Variants in UBE2V1 observed in about 807,000 individuals in gnomAD.
UBE2V1 encodes the protein ubiquitin conjugating enzyme E2 V1, also known as ubiquitin-conjugating enzyme E2 variant 1.
A neutral mutation model predicts 19.6 loss-of-function variants in UBE2V1; 15 were observed. The ratio of observed to expected loss-of-function variants is 0.77; its 90% CI spans 0.51 to 1.18. The LOEUF (loss-of-function observed/expected upper bound fraction) is 1.18, where lower values mean the gene tolerates loss of function less well. UBE2V1 is among the 50% of genes most tolerant of loss of function. UBE2V1 has a pLI of 0.00. For synonymous variants in UBE2V1, 60 were observed against 60.7 expected (o/e 0.99, Z 0.05); for missense variants, 125 against 184.8 (o/e 0.68, Z 1.88).
rs189459840 is a variant in UBE2V1, at chr20:50,090,985, G to A, written c.171+5687C>T. Among the ~76,000 whole-genome samples the A allele has an allele frequency of 2.6e-5, 4 of 152,272 alleles. No individual in the cohort carries two copies. In the East Asian group the frequency reaches 7.7e-4, roughly 29 times the overall value. ...TAGCTGGTATGATTTCTCTTTTCCT[G>A]ACTGACACAGAGTTAAAGCGGGACT... On this transcript the variant is annotated intron_variant, in intron 2 of 3. Coordinates refer to ENST00000371674, the MANE Select transcript of UBE2V1 (RefSeq NM_001032288.3).
Position 50,081,983 on chromosome 20 carries a change from G to A in UBE2V1, c.*785C>T, listed in dbSNP as rs2078662376. On this transcript the variant is annotated 3_prime_UTR_variant, in exon 4 of 4. Transcript: ENST00000371674. ...GAGGCTCTTTCCAACCTTACCTGAT[G>A]GCTTCTGGCCAAAGCAAGGAAGTGT... 1 of 214,244 alleles carries A rather than the reference G, an allele frequency of 4.7e-6. No homozygotes were observed. Among genetic ancestry groups the A allele is most frequent in the African/African-American group, 2.3e-5 (1 of 43,320 alleles). The allele number at this position is 214,244 out of a possible 1,614,324, so 13.3% of individuals were successfully genotyped here. A position where few individuals can be genotyped will look rare whatever the true frequency, so the allele number is the denominator to read the frequency against.
rs2146938917 is a variant in UBE2V1 at position 50,082,863 on chromosome 20, T to G, written c.349A>C (p.Ile117Leu). ...VLAKWQNSYS[I>L]KVVLQELRRL... ...CGAAGCTCTTGCAGGACAACTTTGA[T>G]GCTATATGAATTCTGCCATTTTGCT... The change falls in exon 4 of 4, where the codon ATC (isoleucine) becomes CTC (leucine). Residue 117 changes from isoleucine (I) to leucine (L), a missense_variant. Ile to Leu is a conservative substitution (Grantham distance 5). Coordinates refer to ENST00000371674, the MANE Select transcript of UBE2V1 (RefSeq NM_001032288.3). 2 of 1,612,724 alleles carry G rather than the reference T, an allele frequency of 1.2e-6. No individual in the cohort carries two copies. Among genetic ancestry groups the G allele is most frequent in the East Asian group, 4.5e-5 (2 of 44,888 alleles).
chr20:50,109,895 T>A (rs1429896526), intron 1 of UBE2V1, among the ~76,000 whole-genome samples: 1 of 152,176 alleles, frequency 6.6e-6, no homozygotes, highest in African/African-American at 2.4e-5. Flanking sequence ...GGCACTTAAT[T>A]ACAATTGGCA....
intron 1 of UBE2V1, among the ~76,000 whole-genome samples, chr20:50,097,653 A>G (rs570598392): frequency 6.6e-6 from 1 of 152,144 alleles, no homozygotes; most frequent in Non-Finnish European, 1.5e-5. Flanking sequence ...TGCACTCCCA[A>G]CCAATCCTGA....
intron 1 of UBE2V1, among the ~76,000 whole-genome samples, chr20:50,105,801 A>G (rs148843755): frequency 0.011 from 1,635 of 152,292 alleles, 29 homozygotes; most frequent in African/African-American, 0.038. Context: ...GTGGTGGCAC[A>G]TGCCTGCAAT....
intron 1 of UBE2V1, among the ~76,000 whole-genome samples, chr20:50,101,096 A>G (rs1354719445): frequency 6.6e-6 from 1 of 152,206 alleles, no homozygotes; most frequent in African/African-American, 2.4e-5. Flanking sequence ...AGGTCAATTT[A>G]TTTTAGGCTA....
intron 1 of UBE2V1, among the ~76,000 whole-genome samples, chr20:50,112,478 G>T (rs2080821537): frequency 6.6e-6 from 1 of 152,110 alleles, no homozygotes; most frequent in Non-Finnish European, 1.5e-5. Flanking sequence ...ATCATGCGGA[G>T]ACCCCCTTCA....
chr20:50,103,479 C>T (rs1416199609), intron 1 of UBE2V1, among the ~76,000 whole-genome samples: 2 of 152,136 alleles, frequency 1.3e-5, no homozygotes, highest in Non-Finnish European at 2.9e-5. Context: ...GATTTTGGCT[C>T]GCTGCAACCT....
chr20:50,090,712 G>A (rs562614531), intron 2 of UBE2V1, among the ~76,000 whole-genome samples: 2 of 152,248 alleles, frequency 1.3e-5, no homozygotes, highest in South Asian at 4.2e-4. Flanking sequence ...GTAAGTTCTG[G>A]GAATCTAATG....
chr20:50,096,589 T>A lies in UBE2V1; in HGVS notation c.171+83A>T. The stretch of plus-strand genomic sequence containing the variant: ...AAAATATACCATTGGTGAGCTTTTT[T>A]TCCGTGATAAGGCTAATATTTTTTA... On this transcript the variant is annotated intron_variant, in intron 2 of 3. Coordinates refer to ENST00000371674, the MANE Select transcript of UBE2V1 (RefSeq NM_001032288.3). 3.7e-6 allele frequency: 6 copies of A among 1,607,280 alleles called. No individual in the cohort carries two copies. The Admixed American group carries it at 1.0e-4, about 28-fold the overall frequency.
chr20:50,084,007 A>G, intron 3 of UBE2V1, 122 bp downstream of exon 3: 3 of 1,459,964 alleles, frequency 2.1e-6, no homozygotes, highest in Non-Finnish European at 2.8e-6. Flanking sequence ...ATGCACAGTG[A>G]TACAGTTTAT....
Position 50,081,755 on chromosome 20 carries a change from C to A in UBE2V1, c.*1013G>T. On this transcript the variant is annotated 3_prime_UTR_variant, in exon 4 of 4. Coordinates refer to ENST00000371674, the MANE Select transcript of UBE2V1 (RefSeq NM_001032288.3). ...ACAAGTATCTTCATGCGGTCTTTCT[C>A]CAAGTTCAACCACCAAGGACTCCGA... The A allele has an allele frequency of 4.4e-6, 1 of 227,728 alleles. No homozygotes were observed. Among genetic ancestry groups the A allele is most frequent in the South Asian group, 1.7e-4 (1 of 5,976 alleles). The allele number at this position is 227,728 out of a possible 1,614,324, so 14.1% of individuals were successfully genotyped here. A position where few individuals can be genotyped will look rare whatever the true frequency, so the allele number is the denominator to read the frequency against.
At chr20:50,102,474 G>A (rs184515667) in intron 1 of UBE2V1, among the ~76,000 whole-genome samples, 3 of 152,220 alleles carry the variant, frequency 2.0e-5, no homozygotes, top group Non-Finnish European at 4.4e-5. Context: ...CTAACGTAAG[G>A]ATACCTGGTC....
chr20:50,094,298 T>TTATATAATATATAATGAATTATATA (rs59144352), intron 2 of UBE2V1, among the ~76,000 whole-genome samples: 2 of 81,132 alleles, frequency 2.5e-5, no homozygotes, highest in African/African-American at 6.2e-5. Flanking sequence ...AATATATAAT[T>TTATATAATATATAATGAATTATATA]ATATATAATA....
Position 50,105,843 on chromosome 20 carries a change from T to C in UBE2V1, c.22+7264A>G, listed in dbSNP as rs1217535125. On this transcript the variant is annotated intron_variant, in intron 1 of 3. Transcript: ENST00000371674. ...TAATTGGGAGGCTGAGGCATGACAA[T>C]CACTTGAACCCGGGAGGTGGAGGTT... is the stretch of plus-strand genomic sequence containing the variant. 4.6e-5 allele frequency among the ~76,000 whole-genome samples: 7 copies of C among 152,060 alleles called. No homozygotes were observed. The East Asian group carries it at 1.3e-3, about 29-fold the overall frequency.
intron 2 of UBE2V1, among the ~76,000 whole-genome samples, chr20:50,093,338 G>A (rs2079354761): frequency 1.3e-5 from 2 of 152,240 alleles, no homozygotes; most frequent in South Asian, 4.1e-4. Flanking sequence ...AGGGAGATGA[G>A]TTACTCAAGT....
intron 1 of UBE2V1, among the ~76,000 whole-genome samples, chr20:50,103,709 C>T (rs2080158155): frequency 6.6e-6 from 1 of 152,048 alleles, no homozygotes; most frequent in South Asian, 2.1e-4. Flanking sequence ...CCCGGCCTGA[C>T]TATAATAATT....
intron 1 of UBE2V1, among the ~76,000 whole-genome samples, chr20:50,106,948 T>G (rs575927058): frequency 6.6e-6 from 1 of 151,184 alleles, no homozygotes; most frequent in East Asian, 1.9e-4. Context: ...TTAAAAATGG[T>G]TTGGTTGCCC....
chr20:50,096,371 G>T, intron 2 of UBE2V1: 1 of 454,878 alleles, frequency 2.2e-6, no homozygotes, highest in Non-Finnish European at 3.7e-6. Flanking sequence ...CTAGTTATTT[G>T]GTTAGCCCAG....
Sources: gnomAD v4.1 joint callset for allele counts (sites outside exome capture counted in the v4.1 genomes callset) on GRCh38, gnomAD v4.1.1 for gene constraint, MANE v1.5 for transcripts, NCBI Gene and HGNC (gene_info 2026-07-23, HGNC 2026-07-21) for gene names.